IAH1: variants seen among roughly 807,000 people sequenced by gnomAD.
IAH1 encodes isoamyl acetate-hydrolyzing esterase 1 homolog.
In IAH1, 24 loss-of-function variants were observed where a neutral mutation model predicts 26.7. That is an observed-to-expected ratio of 0.90 (90% CI 0.65 to 1.26). IAH1 has a LOEUF of 1.26. IAH1 is among the 50% of genes most tolerant of loss of function. IAH1 has a pLI of 0.00. For missense variants in IAH1, 300 were observed against 299.9 expected, an observed-to-expected ratio of 1.00 and a Z score of 0.00; for synonymous variants, 140 against 118.5, an observed-to-expected ratio of 1.18 and a Z score of -1.18.
At chr2:9,505,289 C>T in the IAH1 span, 2 of 1,614,178 alleles carry the variant, frequency 1.2e-6, no homozygotes, top group East Asian at 4.5e-5. Flanking sequence ...AACTTTATTG[C>T]TGCGTTCTTG....
downstream of IAH1, among the ~76,000 whole-genome samples, chr2:9,493,428 ACT>A (rs1408994066): frequency 2.0e-5 from 3 of 152,066 alleles, no homozygotes; most frequent in Non-Finnish European, 4.4e-5. Flanking sequence ...TCAAATAAAC[ACT>A]CTTACATCAA....
downstream of IAH1, chr2:9,492,784 A>G: frequency 1.2e-6 from 1 of 811,106 alleles, no homozygotes; most frequent in Non-Finnish European, 1.9e-6. Flanking sequence ...AAGCTATTGG[A>G]AATATCAGGC....
At chr2:9,509,055 G>A in the IAH1 span, among the ~76,000 whole-genome samples, 4 of 152,116 alleles carry the variant, frequency 2.6e-5, no homozygotes, top group African/African-American at 9.7e-5. Flanking sequence ...ATTTCAGAAA[G>A]CAGGGTGTCA....
chr2:9,498,644 C>G (rs1018962403), downstream of IAH1, among the ~76,000 whole-genome samples: 2 of 152,164 alleles, frequency 1.3e-5, no homozygotes, highest in African/African-American at 4.8e-5. Flanking sequence ...GATAACCAGG[C>G]ACTTTGCCTC....
chr2:9,488,191 G>C lies in IAH1; in HGVS notation c.609G>C (p.Lys203Asn), dbSNP rs373100111. ...CAGATGGACTACATTTGTCTCCAAA[G>C]GGGAATGAATTTTTGTTCTCGCATC... ...YLSDGLHLSP[K>N]GNEFLFSHLW... Residue 203 changes from lysine (K) to asparagine (N), a missense_variant, in exon 6 of 6, where the codon AAG (lysine) becomes AAC (asparagine). Coordinates refer to ENST00000497473, the MANE Select transcript of IAH1 (RefSeq NM_001039613.3). The C allele has an allele frequency of 3.2e-5, 51 of 1,613,030 alleles. No individual in the cohort carries two copies. Among genetic ancestry groups the C allele is most frequent in the Non-Finnish European group, 3.1e-5 (36 of 1,179,702 alleles).
At chr2:9,505,123 T>G in the IAH1 span, 1 of 1,603,352 alleles carries the variant, frequency 6.2e-7, no homozygotes, top group Non-Finnish European at 8.5e-7. Context: ...TTGGACATCT[T>G]GTTATACCAA....
intron 1 of IAH1, chr2:9,475,001 G>A (rs1682397053): frequency 9.1e-6 from 10 of 1,100,362 alleles, no homozygotes; most frequent in Non-Finnish European, 1.1e-5. Flanking sequence ...CCGGGTTAGC[G>A]GCCGCGGGCG....
chr2:9,482,662 G>C (rs1468803617), intron 4 of IAH1, among the ~76,000 whole-genome samples: 1 of 152,196 alleles, frequency 6.6e-6, no homozygotes. Context: ...CCTTACTGTT[G>C]TATGAGTTTA....
Position 9,481,280 on chromosome 2 carries a change from G to C in IAH1, c.284-6G>C, listed in dbSNP as rs1661152950. 1.2e-6 allele frequency: 2 copies of C among 1,614,008 alleles called. No individual in the cohort carries two copies. The highest frequency in any genetic ancestry group is 8.5e-7 in the Non-Finnish European group (1 of 1,179,950). On this transcript the variant is annotated splice_region_variant and splice_polypyrimidine_tract_variant and intron_variant, in intron 3 of 5. Transcript: ENST00000497473. ...TCTGGTGAGGACTCATGTTTCTCTT[G>C]AGCAGATGAGAATCCCAAGCAGCAC...
chr2:9,482,787 C>T lies in IAH1; in HGVS notation c.445+1340C>T, dbSNP rs147109957. On this transcript the variant is annotated intron_variant, in intron 4 of 5. Transcript: ENST00000497473. ...GCATATGCCAAGGGGTGCCACACAC[C>T]GGAGGCACAGACAAACGGGGAGAAA... is the stretch of plus-strand genomic sequence containing the variant. Among the ~76,000 whole-genome samples the T allele has an allele frequency of 1.2e-4, 18 of 152,306 alleles. No homozygotes were observed. In the East Asian group the frequency reaches 1.4e-3, roughly 11 times the overall value.
At chr2:9,504,335 T>C in the IAH1 span, among the ~76,000 whole-genome samples, 7 of 151,636 alleles carry the variant, frequency 4.6e-5, no homozygotes, top group Admixed American at 1.3e-4. Flanking sequence ...GTCCCAGTTA[T>C]TGGGGAGGCT....
At chr2:9,512,186 C>A in the IAH1 span, 1 of 151,806 alleles carries the variant, frequency 6.6e-6, no homozygotes, top group Non-Finnish European at 1.5e-5. Context: ...ACTCAAATCC[C>A]AAAGGTGTAA....
intron 3 of IAH1, among the ~76,000 whole-genome samples, chr2:9,479,622 G>GACACGC (rs1224832209): frequency 6.6e-6 from 1 of 152,170 alleles, no homozygotes; most frequent in African/African-American, 2.4e-5. Flanking sequence ...ACTTACAGCT[G>GACACGC]ACACGCATGA....
downstream of IAH1, chr2:9,490,456 C>G (rs746436310): frequency 6.2e-7 from 1 of 1,613,944 alleles, no homozygotes; most frequent in African/African-American, 1.3e-5. Flanking sequence ...GAGTCTGGGG[C>G]GCAGGAAAGG....
rs577465763 is a variant in IAH1 at position 9,488,599 on chromosome 2, A to G, written c.*270A>G. Reference sequence around the variant, plus strand: ...AAGACTATGTTTTTAAAAAGTCACAATTTTATAAAAATGGTTTTTCTTACA... The same window carrying G: ...AAGACTATGTTTTTAAAAAGTCACAGTTTTATAAAAATGGTTTTTCTTACA... On this transcript the variant is annotated 3_prime_UTR_variant, in exon 6 of 6. Transcript: ENST00000497473. 3.6e-5 allele frequency: 10 copies of G among 276,656 alleles called. No individual in the cohort carries two copies. The South Asian group carries it at 1.3e-3, about 37-fold the overall frequency. The allele number at this position is 276,656 out of a possible 1,614,324, so 17.1% of individuals were successfully genotyped here.
Position 9,488,288 on chromosome 2 carries a change from G to A in IAH1, c.706G>A (p.Ala236Thr). The change falls in exon 6 of 6, where the codon GCA (alanine) becomes ACA (threonine). Residue 236 changes from alanine to threonine, a missense_variant. By Grantham distance (58) the Ala-to-Thr change is moderately conservative. Transcript: ENST00000497473. ...TCCTTACTGGCGGGATGTAGCAGAA[G>A]CAAAACCTGAATTAAGTCTGCTGGG... is the stretch of plus-strand genomic sequence containing the variant. The part of the protein sequence containing the change: ...LLPYWRDVAE[A>T]KPELSLLGDG... The A allele has an allele frequency of 6.2e-7, 1 of 1,611,980 alleles. No homozygotes were observed. The highest frequency in any genetic ancestry group is 8.5e-7 in the Non-Finnish European group (1 of 1,179,480).
intron 1 of IAH1, chr2:9,475,217 G>A (rs955081446): frequency 1.6e-6 from 2 of 1,288,686 alleles, no homozygotes; most frequent in Middle Eastern, 2.1e-4. Context: ...TCTAAATGCA[G>A]GTTCTTACTT....
chr2:9,483,348 ATCT>A (rs1474973428), intron 4 of IAH1, among the ~76,000 whole-genome samples: 6 of 152,144 alleles, frequency 3.9e-5, no homozygotes, highest in Admixed American at 1.3e-4. Flanking sequence ...GGCTCAGGTG[ATCT>A]TCTTGCCTCA....
Position 9,478,254 on chromosome 2 carries a change from G to T in IAH1, c.167G>T (p.Gly56Val), listed in dbSNP as rs1356883482. 1.2e-6 allele frequency: 2 copies of T among 1,610,988 alleles called. No individual in the cohort carries two copies. Among genetic ancestry groups the T allele is most frequent in the South Asian group, 1.1e-5 (1 of 90,158 alleles). ...GATGTTCTGAATCGTGGATTTTCAG[G>T]TTACAATACCAGGTGGGCCAAAATT... is the stretch of plus-strand genomic sequence containing the variant. The part of the protein sequence containing the change: ...KCDVLNRGFS[G>V]YNTRWAKIIL... The change falls in exon 3 of 6, where the codon GGT (glycine) becomes GTT (valine). Residue 56 changes from glycine (G) to valine (V), a missense_variant. Physicochemically the swap from Gly to Val is moderately radical, Grantham distance 109. Transcript: ENST00000497473.
Sources: allele counts gnomAD v4.1 joint callset (sites outside exome capture counted in the v4.1 genomes callset), GRCh38; gene constraint gnomAD v4.1.1; transcripts MANE v1.5; gene names NCBI Gene and HGNC (gene_info 2026-07-23, HGNC 2026-07-21).